BCL11A: variants seen among roughly 807,000 people sequenced by gnomAD.
The protein encoded by BCL11A is B cell CLL/lymphoma 11A.
In BCL11A, 2 loss-of-function variants were observed where a neutral mutation model predicts 55.9. The observed-to-expected ratio is 0.04, with a 90% CI of 0.01 to 0.11. The LOEUF is 0.11. BCL11A is among the 10% of genes least tolerant of loss of function. The pLI, the probability that BCL11A is intolerant of heterozygous loss-of-function variation, is 1.00. For synonymous variants in BCL11A, 465 were observed against 473.4 expected, an observed-to-expected ratio of 0.98 and a Z score of 0.23; for missense variants, 817 against 1,137.1, an observed-to-expected ratio of 0.72 and a Z score of 4.05.
chr2:60,553,313 C>A lies in BCL11A; in HGVS notation c.-43G>T. 1 of 1,506,098 alleles carries A rather than the reference C, an allele frequency of 6.6e-7. No individual in the cohort carries two copies. The allele number at this position is 1,506,098 out of a possible 1,614,324, so 93.3% of individuals were successfully genotyped here. ...GCGGCGGCGGCGGCGGCGGCGGCGG[C>A]GGGCGGACGACGGCTCGGTTCACAT... On this transcript the variant is annotated 5_prime_UTR_variant, in exon 1 of 4. Transcript: ENST00000642384.
At chr2:60,545,325 C>G (rs191732683) in intron 2 of BCL11A, 16 of 153,064 alleles carry the variant, frequency 1.0e-4, no homozygotes, top group African/African-American at 3.6e-4. Context: ...CTACTCTGGC[C>G]TGGCCAGTCG....
chr2:60,534,983 T>C (rs183561596), intron 2 of BCL11A: 15 of 152,374 alleles, frequency 9.8e-5, no homozygotes, highest in South Asian at 2.1e-4. Flanking sequence ...CTTGGTGCTA[T>C]AAACAATTTT....
Position 60,460,711 on chromosome 2 carries a change from C to T in BCL11A, c.2201G>A (p.Ser734Asn), listed in dbSNP as rs1406154094. ...HISGPGPGRP[S>N]SKEGRRSDTC... is the part of the protein sequence containing the mutation. Reference sequence around the variant, plus strand: ...GTCGCTGCGTCTGCCCTCTTTTGAGCTGGGCCTGCCCGGGCCCGGACCACT... The same window carrying T: ...GTCGCTGCGTCTGCCCTCTTTTGAGTTGGGCCTGCCCGGGCCCGGACCACT... The change falls in exon 4 of 4, where the codon AGC becomes AAC. Residue 734 changes from serine (S) to asparagine (N), a missense_variant. Ser to Asn is a conservative substitution (Grantham distance 46). Around this residue, in one of 4 missense-constraint regions of BCL11A, gnomAD observed 379 missense variants for 425.3 expected, o/e 0.89. Coordinates refer to ENST00000642384, the MANE Select transcript of BCL11A (RefSeq NM_022893.4). 5.0e-6 allele frequency: 8 copies of T among 1,614,200 alleles called. No individual in the cohort carries two copies. The South Asian group carries it at 8.8e-5, about 18-fold the overall frequency.
chr2:60,553,905 T>G (rs189059249), upstream of BCL11A: 1 of 15,760 alleles, frequency 6.3e-5, no homozygotes, highest in African/African-American at 3.1e-4. Context: ...GCCGCGGCGG[T>G]GGCGTGGCCG....
chr2:60,527,046 T>G (rs1373872434), intron 2 of BCL11A: 1 of 152,240 alleles, frequency 6.6e-6, no homozygotes, highest in Non-Finnish European at 1.5e-5. Flanking sequence ...TTGCTAAATT[T>G]CCATTGCTCT....
intron 2 of BCL11A, among the ~76,000 whole-genome samples, chr2:60,493,998 G>A (rs567469614): frequency 1.3e-4 from 20 of 152,256 alleles, no homozygotes; most frequent in African/African-American, 3.6e-4. Context: ...AGGAAGGTAC[G>A]GGGAGTGGAG....
intron 2 of BCL11A, among the ~76,000 whole-genome samples, chr2:60,479,618 G>T (rs1285841796): frequency 6.6e-6 from 1 of 152,238 alleles, no homozygotes; most frequent in African/African-American, 2.4e-5. Context: ...AGGCGGTGGA[G>T]AGTGTGGACG....
chr2:60,477,612 G>A (rs546460267), intron 2 of BCL11A, among the ~76,000 whole-genome samples: 4 of 152,008 alleles, frequency 2.6e-5, no homozygotes, highest in Admixed American at 2.6e-4. Context: ...AATAAAGAAA[G>A]AAAGAAAGAA....
chr2:60,529,610 C>T (rs781370272), intron 2 of BCL11A, among the ~76,000 whole-genome samples: 22 of 149,136 alleles, frequency 1.5e-4, no homozygotes, highest in Admixed American at 4.0e-4. Context: ...GCTGAGTTGG[C>T]GGGCGGGAGC....
chr2:60,496,138 G>A (rs1039241125), intron 2 of BCL11A, among the ~76,000 whole-genome samples: 6 of 152,200 alleles, frequency 3.9e-5, no homozygotes, highest in Admixed American at 1.3e-4. Context: ...AATGGATTAC[G>A]GAAACAGGGA....
At chr2:60,485,563 G>A (rs1678229070) in intron 2 of BCL11A, among the ~76,000 whole-genome samples, 1 of 152,150 alleles carries the variant, frequency 6.6e-6, no homozygotes, top group Non-Finnish European at 1.5e-5. Flanking sequence ...TGTGTAAAGT[G>A]GCAAAAGCCA....
intron 2 of BCL11A, among the ~76,000 whole-genome samples, chr2:60,486,999 C>T (rs912911162): frequency 3.3e-5 from 5 of 152,196 alleles, no homozygotes; most frequent in African/African-American, 4.8e-5. Context: ...AGATTCAAAG[C>T]GAAGGCAAAT....
chr2:60,466,390 C>T (rs542674269), intron 3 of BCL11A, among the ~76,000 whole-genome samples: 6 of 152,128 alleles, frequency 3.9e-5, no homozygotes, highest in African/African-American at 1.4e-4. Flanking sequence ...AACAGGAGAG[C>T]TCTCCCCACC....
At chr2:60,486,068 C>T (rs1214421991) in intron 2 of BCL11A, among the ~76,000 whole-genome samples, 1 of 152,214 alleles carries the variant, frequency 6.6e-6, no homozygotes, top group Non-Finnish European at 1.5e-5. Context: ...TACCCAAAAT[C>T]TCCAAGCCCC....
At position 60,458,488 on chromosome 2, in the gene BCL11A, G is replaced by C. The variant is rs1676052474; in HGVS notation, c.*1916C>G. On this transcript the variant is annotated 3_prime_UTR_variant, in exon 4 of 4. Transcript: ENST00000642384. The stretch of plus-strand genomic sequence containing the variant: ...TGTACAAAAAAATCCTTGCACTGTA[G>C]AAGCGAAAGCAATCATTCATTTCTA... The C allele has an allele frequency of 1.9e-6, 2 of 1,031,246 alleles. No homozygotes were observed. The highest frequency in any genetic ancestry group is 5.7e-5 in the Admixed American group (1 of 17,556). 63.9% of individuals were successfully genotyped at this position (1,031,246 alleles called of 1,614,324 possible). A position where few individuals can be genotyped will look rare whatever the true frequency, so the allele number is the denominator to read the frequency against.
intron 2 of BCL11A, among the ~76,000 whole-genome samples, chr2:60,482,353 T>A (rs1381919597): frequency 6.6e-6 from 1 of 152,072 alleles, no homozygotes; most frequent in Non-Finnish European, 1.5e-5. Context: ...GCCGAGAATA[T>A]CCGGAACTGG....
rs1004769322 is a variant in BCL11A, at chr2:60,458,275, T to C, written c.*2129A>G. 199 of 441,692 alleles carry C rather than the reference T, an allele frequency of 4.5e-4. No homozygotes were observed. Among genetic ancestry groups the C allele is most frequent in the Middle Eastern group, 1.1e-3 (1 of 916 alleles). 27.4% of individuals were successfully genotyped at this position (441,692 alleles called of 1,614,324 possible). A position where few individuals can be genotyped will look rare whatever the true frequency, so the allele number is the denominator to read the frequency against. ...ATCTTAAACCTTTCCCCAATGTATG[T>C]TTTTTTTTTTTACAACCTGAAGAGC... On this transcript the variant is annotated 3_prime_UTR_variant, in exon 4 of 4. Coordinates refer to ENST00000642384, the MANE Select transcript of BCL11A (RefSeq NM_022893.4).
rs1311290909 is a variant in BCL11A at position 60,481,530 on chromosome 2, G to A, written c.386-12697C>T. 8.5e-5 allele frequency among the ~76,000 whole-genome samples: 13 copies of A among 152,236 alleles called. No homozygotes were observed. In the East Asian group the frequency reaches 2.3e-3, roughly 27 times the overall value. ...AAGCCACCCAGCCCACAAGCTGGCA[G>A]GTGAAGGAGGACAGGGATCAAGGTG... is the stretch of plus-strand genomic sequence containing the variant. On this transcript the variant is annotated intron_variant, in intron 2 of 3. Coordinates refer to ENST00000642384, the MANE Select transcript of BCL11A (RefSeq NM_022893.4).
In BCL11A at chr2:60,484,939, C is replaced by T. The variant is rs1187207511; in HGVS notation, c.386-16106G>A. Among the ~76,000 whole-genome samples the T allele has an allele frequency of 3.3e-5, 5 of 149,824 alleles. No individual in the cohort carries two copies. In the East Asian group the frequency reaches 9.7e-4, roughly 29 times the overall value. On this transcript the variant is annotated intron_variant, in intron 2 of 3. Transcript: ENST00000642384. ...TATCAAGTTCAAGCCAAAAAGAAAT[C>T]CTCTGTGGCACTTGTTTAGGACTTA...
Sources: allele counts gnomAD v4.1 joint callset (sites outside exome capture counted in the v4.1 genomes callset), GRCh38; gene constraint gnomAD v4.1.1; regional missense constraint gnomAD v4.1.1; transcripts MANE v1.5; gene names NCBI Gene and HGNC (gene_info 2026-07-23, HGNC 2026-07-21).